The following DCDC1 variants were observed in gnomAD, a reference collection of about 807,000 sequenced individuals.
DCDC1 encodes doublecortin domain-containing protein 1.
In DCDC1, 200 loss-of-function variants were observed where a neutral mutation model predicts 178.3. That is an observed-to-expected ratio of 1.12 (90% CI 1.00 to 1.26). DCDC1 has a LOEUF of 1.26. Among genes scored for constraint, DCDC1 ranks in the 50% most tolerant of loss-of-function variants. DCDC1 has a pLI of 0.00. For missense variants in DCDC1, 1,983 were observed against 1,749.2 expected, an observed-to-expected ratio of 1.13 and a Z score of -2.38; for synonymous variants, 690 against 604.8, an observed-to-expected ratio of 1.14 and a Z score of -2.07.
chr11:31,209,600 T>C (rs1972262743), intron 9 of DCDC1, among the ~76,000 whole-genome samples: 1 of 152,220 alleles, frequency 6.6e-6, no homozygotes. Flanking sequence ...GGTTGACATA[T>C]CTCAGAGGGG....
intron 9 of DCDC1, among the ~76,000 whole-genome samples, chr11:31,235,271 C>T (rs1976310945): frequency 6.6e-6 from 1 of 151,786 alleles, no homozygotes; most frequent in South Asian, 2.1e-4. Context: ...AAAGCAAATA[C>T]ATCAACAGTG....
At chr11:30,889,395 C>T (rs1416876988) in intron 36 of DCDC1, among the ~76,000 whole-genome samples, 3 of 152,184 alleles carry the variant, frequency 2.0e-5, no homozygotes, top group African/African-American at 7.2e-5. Flanking sequence ...ATTCAAATAC[C>T]ATCTGGGGGT....
intron 36 of DCDC1, among the ~76,000 whole-genome samples, chr11:30,890,872 C>A (rs1282487103): frequency 2.0e-5 from 3 of 152,110 alleles, no homozygotes; most frequent in Admixed American, 1.3e-4. Flanking sequence ...CTATATAATT[C>A]ATTTAATCAA....
At chr11:31,258,773 A>G (rs1565508431) in intron 8 of DCDC1, among the ~76,000 whole-genome samples, 1 of 152,154 alleles carries the variant, frequency 6.6e-6, no homozygotes, top group Non-Finnish European at 1.5e-5. Context: ...TGTGCCCATG[A>G]AGTAAGTTTC....
intron 11 of DCDC1, among the ~76,000 whole-genome samples, chr11:31,123,082 A>T (rs1451076260): frequency 6.6e-6 from 1 of 152,126 alleles, no homozygotes; most frequent in East Asian, 1.9e-4. Context: ...TTACAAAAAA[A>T]AACAGGCAGA....
intron 11 of DCDC1, among the ~76,000 whole-genome samples, chr11:31,122,590 C>A (rs1377470725): frequency 6.6e-6 from 1 of 152,082 alleles, no homozygotes; most frequent in African/African-American, 2.4e-5. Flanking sequence ...AGCCAACTCA[C>A]TCTCAAGAGT....
At chr11:31,276,191 T>C (rs1258595419) in intron 7 of DCDC1, among the ~76,000 whole-genome samples, 1 of 152,222 alleles carries the variant, frequency 6.6e-6, no homozygotes, top group Non-Finnish European at 1.5e-5. Flanking sequence ...CCTCAAATGA[T>C]GAAAATCTAT....
intron 21 of DCDC1, among the ~76,000 whole-genome samples, chr11:30,944,959 CTTTTTTTTTTTTTTTTT>C (rs34334567): frequency 1.5e-5 from 1 of 65,518 alleles, no homozygotes; most frequent in Non-Finnish European, 2.7e-5. Flanking sequence ...ACAAAAATGT[CTTTTTTTTTTTTTTTTT>C]TTTTTTTTTT....
intron 1 of DCDC1, among the ~76,000 whole-genome samples, chr11:31,366,205 T>C (rs1951949897): frequency 1.3e-5 from 2 of 152,314 alleles, no homozygotes; most frequent in South Asian, 4.1e-4. Context: ...GTTCTGACTC[T>C]AGAGTTCATG....
chr11:31,321,308 T>C (rs1342039453), intron 3 of DCDC1, among the ~76,000 whole-genome samples: 1 of 112,176 alleles, frequency 8.9e-6, no homozygotes, highest in Non-Finnish European at 1.8e-5. Context: ...ATCAGCGAGA[T>C]TCCGTGGGCG....
chr11:31,198,930 A>G (rs1048043735), intron 9 of DCDC1, among the ~76,000 whole-genome samples: 1 of 152,170 alleles, frequency 6.6e-6, no homozygotes, highest in African/African-American at 2.4e-5. Context: ...TGAGTGAAAA[A>G]AAATCAAAAC....
chr11:31,315,440 C>A (rs977987408), intron 3 of DCDC1, among the ~76,000 whole-genome samples: 3 of 150,140 alleles, frequency 2.0e-5, no homozygotes, highest in Non-Finnish European at 4.4e-5. Flanking sequence ...AGGTTCACGC[C>A]ATCCTCCTGC....
chr11:31,157,336 A>G (rs208097), intron 9 of DCDC1, among the ~76,000 whole-genome samples: 1 of 142,426 alleles, frequency 7.0e-6, no homozygotes, highest in Non-Finnish European at 1.5e-5. Context: ...GGTTACAGAG[A>G]AAGAGCAAGA....
chr11:31,228,497 A>G (rs894350696), intron 9 of DCDC1, among the ~76,000 whole-genome samples: 1 of 152,086 alleles, frequency 6.6e-6, no homozygotes, highest in East Asian at 1.9e-4. Context: ...CTTTTGCTTT[A>G]TGAAACTAGA....
chr11:31,265,025 TTAG>T (rs1945053758), intron 8 of DCDC1, among the ~76,000 whole-genome samples: 1 of 152,074 alleles, frequency 6.6e-6, no homozygotes, highest in African/African-American at 2.4e-5. Context: ...ATATACACAC[TTAG>T]TAGAGAGTAA....
chr11:31,044,523 C>G (rs1954697387), intron 20 of DCDC1, among the ~76,000 whole-genome samples: 1 of 150,618 alleles, frequency 6.6e-6, no homozygotes, highest in Admixed American at 6.6e-5. Context: ...TGACACACCA[C>G]TGCTAGCTCT....
chr11:31,171,379 A>G (rs562564739), intron 9 of DCDC1, among the ~76,000 whole-genome samples: 32 of 152,210 alleles, frequency 2.1e-4, no homozygotes, highest in Admixed American at 1.3e-3. Flanking sequence ...TCAAAAGTTT[A>G]TTTACAAAAA....
In DCDC1 at chr11:31,316,252, C is replaced by G. The variant is rs1267856508; in HGVS notation, c.165-8344G>C. ...CACACTGACTTCCACAATGGTTGAA[C>G]TAGTTTACAGTCCCACCAACAGTGT... On this transcript the variant is annotated intron_variant, in intron 3 of 38. Coordinates refer to ENST00000684477, the MANE Select transcript of DCDC1 (RefSeq NM_001387274.1). 4.1e-3 allele frequency among the ~76,000 whole-genome samples: 421 copies of G among 102,932 alleles called. 2 individuals carry two copies. The highest frequency in any genetic ancestry group is 0.019 in the African/African-American group (394 of 20,942). The allele number at this position is 102,932 out of a possible 152,430, so 67.5% of individuals were successfully genotyped here.
intron 20 of DCDC1, among the ~76,000 whole-genome samples, chr11:31,002,986 T>C (rs928408444): frequency 2.6e-5 from 4 of 152,040 alleles, no homozygotes; most frequent in Admixed American, 2.0e-4. Flanking sequence ...CTAAAACTAA[T>C]ACACTGTTAT....
Sources: gnomAD v4.1 joint callset for allele counts (sites outside exome capture counted in the v4.1 genomes callset) on GRCh38, gnomAD v4.1.1 for gene constraint, MANE v1.5 for transcripts, NCBI Gene and HGNC (gene_info 2026-07-23, HGNC 2026-07-21) for gene names.